SRFBP1: variants seen among roughly 807,000 people sequenced by gnomAD.
SRFBP1 encodes serum response factor-binding protein 1.
Under a neutral mutation model 45.5 loss-of-function variants are expected in SRFBP1, and 47 were observed. The observed-to-expected ratio is 1.03, with a 90% CI of 0.82 to 1.32. The LOEUF (loss-of-function observed/expected upper bound fraction) is 1.32. Among genes scored for constraint, SRFBP1 ranks in the 40% most tolerant of loss-of-function variants. The pLI, the probability that SRFBP1 is intolerant of heterozygous loss-of-function variation, is 0.00. For synonymous variants in SRFBP1, 203 were observed against 166.3 expected (o/e 1.22, Z -1.70); for missense variants, 621 against 484.6 (o/e 1.28, Z -2.64).
intron 1 of SRFBP1, among the ~76,000 whole-genome samples, chr5:121,965,509 G>A (rs888437021): frequency 6.6e-6 from 1 of 152,146 alleles, no homozygotes; most frequent in Non-Finnish European, 1.5e-5. Context: ...TAGATGTGTG[G>A]TGTTGTTTCT....
chr5:122,075,579 G>A, downstream of SRFBP1: 3 of 1,389,102 alleles, frequency 2.2e-6, no homozygotes, highest in Non-Finnish European at 2.9e-6. Flanking sequence ...TATATTCATG[G>A]AATATTAACT....
intron 4 of SRFBP1, among the ~76,000 whole-genome samples, 180 bp from the exon 5 acceptor site, chr5:122,019,080 C>G (rs1298320350): frequency 6.6e-6 from 1 of 151,950 alleles, no homozygotes; most frequent in Non-Finnish European, 1.5e-5. Context: ...ATATTTTTGT[C>G]AGGATGATCT....
chr5:122,016,196 TC>T (rs1319529303), intron 4 of SRFBP1, among the ~76,000 whole-genome samples: 1 of 152,170 alleles, frequency 6.6e-6, no homozygotes, highest in Non-Finnish European at 1.5e-5. Context: ...AACCTAAGTC[TC>T]CTGTCACCAT....
chr5:122,022,796 A>C (rs533876100), intron 7 of SRFBP1, among the ~76,000 whole-genome samples: 1 of 152,346 alleles, frequency 6.6e-6, no homozygotes, highest in East Asian at 1.9e-4. Context: ...GAATATTTTC[A>C]GATTAATTCG....
At chr5:121,971,087 CAG>C (rs143558766) in intron 1 of SRFBP1, among the ~76,000 whole-genome samples, 6,728 of 151,934 alleles carry the variant, frequency 0.044, 172 homozygotes, top group African/African-American at 0.06. Context: ...ATGGTGAGGA[CAG>C]GGGACTGAAA....
intron 2 of SRFBP1, among the ~76,000 whole-genome samples, chr5:122,058,170 T>A (rs1043610218): frequency 6.6e-6 from 1 of 152,348 alleles, no homozygotes; most frequent in Non-Finnish European, 1.5e-5. Flanking sequence ...ATTTAAATCA[T>A]GATTTATTGG....
At chr5:122,023,698 A>G (rs1753410911) in intron 7 of SRFBP1, among the ~76,000 whole-genome samples, 1 of 152,150 alleles carries the variant, frequency 6.6e-6, no homozygotes, top group African/African-American at 2.4e-5. Context: ...AGTTTGCCCC[A>G]AGTCACTGGT....
intron 4 of SRFBP1, among the ~76,000 whole-genome samples, chr5:121,995,840 G>A (rs1013758506): frequency 3.0e-4 from 46 of 151,820 alleles, no homozygotes; most frequent in Admixed American, 7.2e-4. Context: ...TATCACCACC[G>A]ATCCCACAGA....
intron 1 of SRFBP1, among the ~76,000 whole-genome samples, chr5:121,970,673 T>TGC (rs1407146054): frequency 6.6e-6 from 1 of 152,128 alleles, no homozygotes. Context: ...CTGATTACTG[T>TGC]GCATTTTTAA....
intron 2 of SRFBP1, chr5:122,069,929 G>C (rs1254633269): frequency 3.9e-6 from 3 of 774,356 alleles, no homozygotes; most frequent in Non-Finnish European, 7.1e-6. Flanking sequence ...ACCATTTTCT[G>C]CCTTTGGTCT....
At chr5:122,035,666 C>T (rs1174482296) in intron 2 of SRFBP1, among the ~76,000 whole-genome samples, 1 of 152,108 alleles carries the variant, frequency 6.6e-6, no homozygotes, top group Non-Finnish European at 1.5e-5. Context: ...TTCTATGCCC[C>T]AGTTTCATTT....
intron 2 of SRFBP1, among the ~76,000 whole-genome samples, chr5:122,055,798 A>G (rs10056720): frequency 0.018 from 2,806 of 152,290 alleles, 66 homozygotes; most frequent in Middle Eastern, 0.058. Flanking sequence ...GATGGTTGCT[A>G]TTACCATTTT....
At chr5:121,993,037 A>C (rs1008675978) in intron 3 of SRFBP1, among the ~76,000 whole-genome samples, 1 of 152,154 alleles carries the variant, frequency 6.6e-6, no homozygotes, top group African/African-American at 2.4e-5. Context: ...AAATCTTGAC[A>C]TTGGGTATTG....
In SRFBP1 at chr5:122,020,688, A is replaced by T; in HGVS notation, c.953A>T (p.Asp318Val). 1.1e-5 allele frequency: 17 copies of T among 1,614,030 alleles called. No homozygotes were observed. The highest frequency in any genetic ancestry group is 1.4e-5 in the Non-Finnish European group (16 of 1,179,988). Residue 318 changes from aspartate to valine, a missense_variant, in exon 6 of 8, where the codon GAT (aspartate) becomes GTT (valine). By Grantham distance (152) the Asp-to-Val change is radical. Coordinates refer to ENST00000339397, the MANE Select transcript of SRFBP1 (RefSeq NM_152546.3). ...KPLEKVFLKE[D>V]TGETHGDTRN... ...CTAGAAAAAGTGTTTCTTAAAGAAG[A>T]TACAGGTGAAACTCATGGGGATACA...
intron 2 of SRFBP1, among the ~76,000 whole-genome samples, chr5:122,039,124 CAG>C (rs1671752008): frequency 6.6e-6 from 1 of 152,314 alleles, no homozygotes; most frequent in East Asian, 1.9e-4. Flanking sequence ...GTAACTATAA[CAG>C]AACGGTGTGT....
At chr5:122,016,383 G>C (rs1753194273) in intron 4 of SRFBP1, among the ~76,000 whole-genome samples, 1 of 152,140 alleles carries the variant, frequency 6.6e-6, no homozygotes, top group South Asian at 2.1e-4. Context: ...TCTTCCCTAG[G>C]TTGGAAATTC....
At chr5:122,004,458 GTC>G (rs1188298633) in intron 4 of SRFBP1, among the ~76,000 whole-genome samples, 2 of 152,008 alleles carry the variant, frequency 1.3e-5, no homozygotes, top group Non-Finnish European at 2.9e-5. Flanking sequence ...TATTTCAGGT[GTC>G]TCTATTCTGT....
chr5:122,053,997 G>T (rs1754034742), intron 2 of SRFBP1, among the ~76,000 whole-genome samples: 1 of 152,170 alleles, frequency 6.6e-6, no homozygotes, highest in South Asian at 2.1e-4. Context: ...CCAAGTTCAG[G>T]CTGAATCAGA....
chr5:122,072,757 C>G (rs1754486605), intron 2 of SRFBP1, among the ~76,000 whole-genome samples: 1 of 152,078 alleles, frequency 6.6e-6, no homozygotes, highest in Non-Finnish European at 1.5e-5. Flanking sequence ...AACAAGAAAG[C>G]TACCATATAA....
Sources: allele counts gnomAD v4.1 joint callset (sites outside exome capture counted in the v4.1 genomes callset), GRCh38; gene constraint gnomAD v4.1.1; transcripts MANE v1.5; gene names NCBI Gene and HGNC (gene_info 2026-07-23, HGNC 2026-07-21).